Variants in ASAP2 observed in about 807,000 individuals in gnomAD.
ASAP2 encodes ArfGAP with SH3 domain, ankyrin repeat and PH domain 2, also known as arf-GAP with SH3 domain, ANK repeat and PH domain-containing protein 2.
Under a neutral mutation model 131.4 loss-of-function variants are expected in ASAP2, and 45 were observed. That is an observed-to-expected ratio of 0.34 (90% CI 0.27 to 0.44). The LOEUF (loss-of-function observed/expected upper bound fraction) is 0.44, where lower values mean the gene tolerates loss of function less well. Among genes scored for constraint, ASAP2 ranks in the 20% least tolerant of loss-of-function variants. ASAP2 has a pLI of 1.00. For synonymous variants in ASAP2, 510 were observed against 503.0 expected, an observed-to-expected ratio of 1.01 and a Z score of -0.19; for missense variants, 1,011 against 1,297.0, an observed-to-expected ratio of 0.78 and a Z score of 3.39.
In ASAP2 at chr2:9,217,027, G is replaced by GTA. The variant is rs1453554137; in HGVS notation, c.126+9797_126+9798insTA. Among the ~76,000 whole-genome samples the GTA allele has an allele frequency of 6.6e-6, 1 of 152,130 alleles. No individual in the cohort carries two copies. The highest frequency in any genetic ancestry group is 1.5e-5 in the Non-Finnish European group (1 of 68,024). ...ATGCTATAGGGGCCAGCAAAATTAG[G>GTA]CCACGGTACCAAGTTCATGGAGCTT... On this transcript the variant is annotated intron_variant, in intron 1 of 27. Coordinates refer to ENST00000281419, the MANE Select transcript of ASAP2 (RefSeq NM_003887.3). The surrounding 1 kb of genome is among the most constrained non-coding windows in gnomAD (Gnocchi z 4.0).
At chr2:9,245,387 C>T (rs752139532) in intron 1 of ASAP2, among the ~76,000 whole-genome samples, 4 of 152,280 alleles carry the variant, frequency 2.6e-5, no homozygotes, top group Non-Finnish European at 4.4e-5. Flanking sequence ...GCCACTTCTT[C>T]GGCTCTGTGC....
chr2:9,317,297 T>A (rs1357847982), intron 3 of ASAP2, among the ~76,000 whole-genome samples: 1 of 142,978 alleles, frequency 7.0e-6, no homozygotes, highest in Non-Finnish European at 1.5e-5. Context: ...ACCCTCACAA[T>A]CACAGCCCCC....
chr2:9,210,927 G>A (rs957855692), intron 1 of ASAP2, among the ~76,000 whole-genome samples: 3 of 151,760 alleles, frequency 2.0e-5, no homozygotes, highest in African/African-American at 2.4e-5. Flanking sequence ...AGGCCAAGGC[G>A]GGCAGATCAC....
chr2:9,246,011 T>C (rs1342271492), intron 1 of ASAP2, among the ~76,000 whole-genome samples: 1 of 152,212 alleles, frequency 6.6e-6, no homozygotes, highest in African/African-American at 2.4e-5. Flanking sequence ...TAGAAGGTTC[T>C]GTGAAAAGGA....
intron 21 of ASAP2, among the ~76,000 whole-genome samples, chr2:9,386,194 C>T (rs1675249070): frequency 6.6e-6 from 1 of 150,410 alleles, no homozygotes. Flanking sequence ...TTGAGGATAT[C>T]TAATTAGATG....
chr2:9,375,291 A>AG (rs144781867), intron 17 of ASAP2, among the ~76,000 whole-genome samples: 1 of 151,712 alleles, frequency 6.6e-6, no homozygotes, highest in African/African-American at 2.4e-5. Flanking sequence ...TCAAAAAAAA[A>AG]GGAAAACTGG....
intron 1 of ASAP2, among the ~76,000 whole-genome samples, chr2:9,259,883 G>A (rs144383007): frequency 9.4e-4 from 143 of 152,362 alleles, no homozygotes; most frequent in African/African-American, 3.4e-3. Context: ...AGCCCCTGCA[G>A]TGTCCTGCAT....
chr2:9,391,428 TC>T (rs1370206890), intron 23 of ASAP2, among the ~76,000 whole-genome samples: 1 of 152,108 alleles, frequency 6.6e-6, no homozygotes, highest in African/African-American at 2.4e-5. Flanking sequence ...CTCACTCCCT[TC>T]CTCTGTCTTC....
intron 1 of ASAP2, among the ~76,000 whole-genome samples, chr2:9,234,847 T>C (rs1308167468): frequency 1.3e-5 from 2 of 152,148 alleles, no homozygotes; most frequent in Non-Finnish European, 2.9e-5. Flanking sequence ...GTCTCTTTGT[T>C]CTCACTCTTT....
At chr2:9,287,491 C>T (rs1037935581) in intron 2 of ASAP2, among the ~76,000 whole-genome samples, 2 of 152,266 alleles carry the variant, frequency 1.3e-5, no homozygotes, top group African/African-American at 2.4e-5. Flanking sequence ...CTCCTGGTTT[C>T]GGAAGGGGCA....
At chr2:9,282,578 A>G (rs886229924) in intron 2 of ASAP2, among the ~76,000 whole-genome samples, 1 of 152,234 alleles carries the variant, frequency 6.6e-6, no homozygotes, top group Non-Finnish European at 1.5e-5. Context: ...GCTTCGGTGC[A>G]CTGTAACTAC....
intron 12 of ASAP2, among the ~76,000 whole-genome samples, chr2:9,353,417 T>C (rs2715863): frequency 0.09 from 13,642 of 151,984 alleles, 1,689 homozygotes; most frequent in African/African-American, 0.28. Context: ...AATAGTGCAG[T>C]ATGGTGACAT....
In ASAP2 at chr2:9,403,988, C is replaced by T. The variant is rs1343885706; in HGVS notation, c.*661C>T. On this transcript the variant is annotated 3_prime_UTR_variant, in exon 28 of 28. Coordinates refer to ENST00000281419, the MANE Select transcript of ASAP2 (RefSeq NM_003887.3). ...GATGGTTTATGACAACGTAGGGTAA[C>T]TACAGTTCATTCTGTTCCAGGTTAT... 1 of 152,250 alleles carries T rather than the reference C, an allele frequency of 6.6e-6. No individual in the cohort carries two copies. Among genetic ancestry groups the T allele is most frequent in the African/African-American group, 2.4e-5 (1 of 41,456 alleles). 9.4% of individuals were successfully genotyped at this position (152,250 alleles called of 1,614,324 possible).
intron 3 of ASAP2, among the ~76,000 whole-genome samples, chr2:9,314,922 CAAAAAAA>C (rs34360769): frequency 1.8e-3 from 184 of 102,308 alleles, no homozygotes; most frequent in African/African-American, 5.6e-3. Flanking sequence ...GACTCCATCT[CAAAAAAA>C]AAAAAAAAAA....
rs368300185 is a variant in ASAP2 at position 9,369,854 on chromosome 2, A to AT, written c.1556+1344dup. ...CCCTTTGTAAAGGGAGAGAATTTAG[A>AT]TTTTTTTTTCCCCTTCAAGACCTCT... On this transcript the variant is annotated intron_variant, in intron 16 of 27. Transcript: ENST00000281419. 1.1e-3 allele frequency among the ~76,000 whole-genome samples: 173 copies of AT among 151,482 alleles called. 1 individual carries two copies. Among genetic ancestry groups the AT allele is most frequent in the Middle Eastern group, 0.01 (3 of 292 alleles).
chr2:9,338,788 C>T (rs1671392818), intron 9 of ASAP2, among the ~76,000 whole-genome samples: 1 of 152,226 alleles, frequency 6.6e-6, no homozygotes, highest in South Asian at 2.1e-4. Flanking sequence ...ACATCAGCTC[C>T]AGGAAGCAGT....
At chr2:9,352,026 C>G (rs1407236965) in intron 12 of ASAP2, among the ~76,000 whole-genome samples, 1 of 152,188 alleles carries the variant, frequency 6.6e-6, no homozygotes, top group Middle Eastern at 3.2e-3. Context: ...GCCTTTCATT[C>G]ATACAAGATG....
chr2:9,211,327 T>C (rs1661533384), intron 1 of ASAP2, among the ~76,000 whole-genome samples: 1 of 152,166 alleles, frequency 6.6e-6, no homozygotes, highest in Admixed American at 6.5e-5. Flanking sequence ...TTGGAAATAA[T>C]GGAAAAAATA....
At chr2:9,210,133 A>G (rs1239435237) in intron 1 of ASAP2, among the ~76,000 whole-genome samples, 1 of 152,196 alleles carries the variant, frequency 6.6e-6, no homozygotes, top group African/African-American at 2.4e-5. Context: ...AGAGCTCTGA[A>G]GTGGACTTTG....
Sources: allele counts gnomAD v4.1 joint callset (sites outside exome capture counted in the v4.1 genomes callset), GRCh38; gene constraint gnomAD v4.1.1; non-coding constraint Gnocchi (gnomAD v3.1); transcripts MANE v1.5; gene names NCBI Gene and HGNC (gene_info 2026-07-23, HGNC 2026-07-21).